FBXW7: variants seen among roughly 807,000 people sequenced by gnomAD.
FBXW7 encodes the protein F-box/WD repeat-containing protein 7.
In FBXW7, 11 loss-of-function variants were observed where a neutral mutation model predicts 86.3. That is an observed-to-expected ratio of 0.13 (90% confidence interval 0.08 to 0.21). The LOEUF is 0.21. FBXW7 is among the 10% of genes least tolerant of loss of function. The pLI, the probability that FBXW7 is intolerant of heterozygous loss-of-function variation, is 1.00. For missense variants in FBXW7, 488 were observed against 847.4 expected, an observed-to-expected ratio of 0.58 and a Z score of 5.27; for synonymous variants, 313 against 297.9, an observed-to-expected ratio of 1.05 and a Z score of -0.52.
intron 4 of FBXW7, among the ~76,000 whole-genome samples, chr4:152,359,233 G>A (rs956650515): frequency 1.3e-5 from 2 of 152,000 alleles, no homozygotes; most frequent in African/African-American, 2.4e-5. Context: ...CAATATCTGC[G>A]AAATGCTACC....
intron 4 of FBXW7, among the ~76,000 whole-genome samples, chr4:152,403,995 T>C (rs1365807731): frequency 1.3e-5 from 2 of 152,252 alleles, no homozygotes; most frequent in African/African-American, 2.4e-5. Context: ...TACTATGCTA[T>C]TACTCTTCTA....
At chr4:152,500,522 T>C (rs28620015) in intron 2 of FBXW7, among the ~76,000 whole-genome samples, 1 of 138,880 alleles carries the variant, frequency 7.2e-6, no homozygotes, top group Admixed American at 7.1e-5. Flanking sequence ...AAAAAAAAAC[T>C]TTAAAAAAAT....
chr4:152,329,049 G>A (rs1473267210), intron 10 of FBXW7: 2 of 151,706 alleles, frequency 1.3e-5, no homozygotes, highest in African/African-American at 4.8e-5. Flanking sequence ...TATTTTTTAG[G>A]TGGCAATTAC....
At chr4:152,473,613 T>C (rs905544090) in intron 2 of FBXW7, among the ~76,000 whole-genome samples, 2 of 152,042 alleles carry the variant, frequency 1.3e-5, no homozygotes, top group African/African-American at 4.8e-5. Flanking sequence ...CTGGAGTAGC[T>C]AGGACTACAG....
chr4:152,479,375 C>G (rs553951598), intron 2 of FBXW7, among the ~76,000 whole-genome samples: 4 of 152,096 alleles, frequency 2.6e-5, no homozygotes, highest in African/African-American at 9.6e-5. Flanking sequence ...TATTTTTAAG[C>G]CTTCAGGGTT....
intron 2 of FBXW7, among the ~76,000 whole-genome samples, chr4:152,484,672 A>G (rs1745185744): frequency 1.3e-5 from 2 of 152,200 alleles, no homozygotes; most frequent in Admixed American, 1.3e-4. Context: ...TATGCAAAGG[A>G]ATATATAGAA....
chr4:152,445,910 TAAAAA>T (rs11457603), intron 2 of FBXW7, among the ~76,000 whole-genome samples: 27 of 100,676 alleles, frequency 2.7e-4, no homozygotes, highest in Middle Eastern at 6.8e-3. Flanking sequence ...ACTCTGTCTT[TAAAAA>T]AAAAAAAAAA....
intron 7 of FBXW7, among the ~76,000 whole-genome samples, chr4:152,336,763 T>C (rs1411447209): frequency 6.6e-6 from 1 of 152,092 alleles, no homozygotes; most frequent in East Asian, 1.9e-4. Flanking sequence ...ACTTTGCTTT[T>C]CTCTGGAGTT....
intron 4 of FBXW7, among the ~76,000 whole-genome samples, chr4:152,378,727 GCATGGTGGTT>G (rs1205042947): frequency 6.6e-6 from 1 of 152,158 alleles, no homozygotes; most frequent in Non-Finnish European, 1.5e-5. Flanking sequence ...ATTATGCCGG[GCATGGTGGTT>G]CATGCCTGTA....
intron 2 of FBXW7, among the ~76,000 whole-genome samples, chr4:152,421,607 CA>C (rs1738944219): frequency 2.0e-5 from 3 of 152,204 alleles, no homozygotes. Flanking sequence ...ATGTTTGGCA[CA>C]AAAGGCCTAG....
intron 4 of FBXW7, among the ~76,000 whole-genome samples, chr4:152,383,451 A>G (rs1735265266): frequency 6.6e-6 from 1 of 152,136 alleles, no homozygotes; most frequent in African/African-American, 2.4e-5. Context: ...TAAATTAACC[A>G]TTTGTGCAAG....
intron 4 of FBXW7, among the ~76,000 whole-genome samples, chr4:152,370,900 C>G (rs1437813839): frequency 6.6e-6 from 1 of 151,826 alleles, no homozygotes; most frequent in African/African-American, 2.4e-5. Flanking sequence ...AAGACACTAT[C>G]AAAGTCACAA....
At chr4:152,391,515 A>G (rs1358851232) in intron 4 of FBXW7, among the ~76,000 whole-genome samples, 1 of 152,120 alleles carries the variant, frequency 6.6e-6, no homozygotes, top group Non-Finnish European at 1.5e-5. Context: ...AGATCTTGGG[A>G]TAGAAAGATA....
intron 4 of FBXW7, among the ~76,000 whole-genome samples, chr4:152,355,203 T>C (rs35043357): frequency 0.015 from 2,272 of 152,234 alleles, 28 homozygotes; most frequent in Middle Eastern, 0.038. Context: ...TAAAATCACT[T>C]GCATTTCTAT....
intron 2 of FBXW7, among the ~76,000 whole-genome samples, chr4:152,517,304 G>C (rs778582709): frequency 1.3e-4 from 20 of 152,086 alleles, no homozygotes. Flanking sequence ...CGGTAAACTC[G>C]ACTATTTAAA....
In FBXW7 at chr4:152,331,611, A is replaced by G. The variant is rs143686502; in HGVS notation, c.986-743T>C. 5.2e-3 allele frequency among the ~76,000 whole-genome samples: 796 copies of G among 152,112 alleles called. 23 individuals are homozygous for G. Among genetic ancestry groups the G allele is most frequent in the Admixed American group, 0.049 (749 of 15,258 alleles). On this transcript the variant is annotated intron_variant, in intron 8 of 13. Transcript: ENST00000281708. Reference sequence around the variant, plus strand: ...ACAGGGGGCATGGAGTTTCATGTGAAGATGATGAAGTTCTGAACACAGATG... The same window carrying G: ...ACAGGGGGCATGGAGTTTCATGTGAGGATGATGAAGTTCTGAACACAGATG...
At chr4:152,534,201 A>C (rs891770355) in intron 2 of FBXW7, among the ~76,000 whole-genome samples, 6 of 152,154 alleles carry the variant, frequency 3.9e-5, no homozygotes, top group African/African-American at 1.4e-4. Context: ...AAATAAAGAT[A>C]ATTCAAAAAA....
rs186332140 is a variant in FBXW7, at chr4:152,529,191, C to T, written c.-120+5750G>A. Among the ~76,000 whole-genome samples, 43 of 152,148 alleles carry T rather than the reference C, an allele frequency of 2.8e-4. No individual in the cohort carries two copies. The East Asian group carries it at 7.3e-3, about 26-fold the overall frequency. On this transcript the variant is annotated intron_variant, in intron 2 of 13. Transcript: ENST00000281708. ...ACACCTTGTGTCTTTTAAATTGCCA[C>T]TCATCCTTAGGCTTGGGACAATGAT...
chr4:152,449,065 T>C (rs1039987941), intron 2 of FBXW7, among the ~76,000 whole-genome samples: 9 of 152,190 alleles, frequency 5.9e-5, no homozygotes, highest in African/African-American at 2.2e-4. Context: ...AAGAACCGTT[T>C]AATATCTGGA....
Sources: gnomAD v4.1 joint callset for allele counts (sites outside exome capture counted in the v4.1 genomes callset) on GRCh38, gnomAD v4.1.1 for gene constraint, MANE v1.5 for transcripts, NCBI Gene and HGNC (gene_info 2026-07-23, HGNC 2026-07-21) for gene names.